RTL9: variants seen among roughly 807,000 people sequenced by gnomAD.
RTL9 encodes the protein retrotransposon Gag like 9, also known as retrotransposon Gag-like protein 9.
A neutral mutation model predicts 44.7 loss-of-function variants in RTL9; 19 were observed. The ratio of observed to expected loss-of-function variants is 0.42; its 90% confidence interval spans 0.30 to 0.62. The LOEUF is 0.62. RTL9 is among the 20% of genes least tolerant of loss of function. The pLI is 0.16. For synonymous variants in RTL9, 407 were observed against 398.9 expected (o/e 1.02, Z -0.24); for missense variants, 1,105 against 1,080.6 (o/e 1.02, Z -0.32).
intron 1 of RTL9, among the ~76,000 whole-genome samples, chrX:110,384,341 G>A (rs762892443): frequency 9.0e-6 from 1 of 110,793 alleles, no homozygotes; most frequent in African/African-American, 3.3e-5. Context: ...GCTCATAATT[G>A]TTGTATGATC....
intron 1 of RTL9, among the ~76,000 whole-genome samples, chrX:110,382,719 C>T (rs1040411382): frequency 2.8e-4 from 31 of 111,687 alleles, no homozygotes; most frequent in African/African-American, 1.0e-3. Flanking sequence ...TTCAATTTGT[C>T]ACTCATTCCT....
intron 1 of RTL9, among the ~76,000 whole-genome samples, chrX:110,397,066 G>A (rs1024687890): frequency 1.9e-4 from 21 of 112,079 alleles, no homozygotes; most frequent in Admixed American, 1.6e-3. Flanking sequence ...TGCCAAAGCA[G>A]ATGACTCCCA....
At position 110,375,085 on chromosome X, in the gene RTL9, C is replaced by T. The variant is rs2068367239; in HGVS notation, c.-168+16169C>T. ...ATAGGTTATATAGCAAGTAGGCAAG[C>T]TTAGCAAACAGCTCAGGGACACTAG... is the stretch of plus-strand genomic sequence containing the variant. On this transcript the variant is annotated intron_variant, in intron 1 of 2. Transcript: ENST00000520821. 2.7e-5 allele frequency among the ~76,000 whole-genome samples: 3 copies of T among 111,591 alleles called. No individual in the cohort carries two copies. In the South Asian group the frequency reaches 1.1e-3, roughly 42 times the overall value.
At chrX:110,396,629 A>G (rs968892492) in intron 1 of RTL9, among the ~76,000 whole-genome samples, 1 of 111,838 alleles carries the variant, frequency 8.9e-6, no homozygotes, top group African/African-American at 3.3e-5. Context: ...CCTTTTAGGT[A>G]AGCAGGGGGC....
chrX:110,386,205 A>C (rs1313598559), intron 1 of RTL9, among the ~76,000 whole-genome samples: 1 of 111,099 alleles, frequency 9.0e-6, no homozygotes, highest in Middle Eastern at 4.3e-3. Context: ...AGGAACCACC[A>C]AACTATTTTC....
chrX:110,441,123 T>C (rs1196568396), intron 1 of RTL9, among the ~76,000 whole-genome samples: 1 of 112,265 alleles, frequency 8.9e-6, no homozygotes, highest in Non-Finnish European at 1.9e-5. Flanking sequence ...TCTGCCTGTC[T>C]TTTGCTGTAT....
intron 1 of RTL9, among the ~76,000 whole-genome samples, chrX:110,443,011 G>C (rs1408682743): frequency 8.9e-6 from 1 of 112,041 alleles, no homozygotes; most frequent in African/African-American, 3.2e-5. Flanking sequence ...GGCAACAGGG[G>C]CAGAAGCTGA....
chrX:110,400,490 C>T (rs1019816422), intron 1 of RTL9, among the ~76,000 whole-genome samples: 3 of 110,332 alleles, frequency 2.7e-5, no homozygotes, highest in African/African-American at 9.9e-5. Context: ...CTCAGTAATA[C>T]CCTACCTCTT....
exon 2 of RTL9, chrX:110,456,274 C>T (rs1420708593): frequency 8.9e-6 from 1 of 112,852 alleles, no homozygotes; most frequent in Admixed American, 9.4e-5. Context: ...AGATTCTCTA[C>T]AGTAAGCATG....
At chrX:110,405,097 C>T (rs186850485) in intron 1 of RTL9, among the ~76,000 whole-genome samples, 29 of 101,239 alleles carry the variant, frequency 2.9e-4, no homozygotes, top group African/African-American at 5.8e-4. Context: ...GTCCCCCCCC[C>T]CCCCAAGCAT....
intron 1 of RTL9, among the ~76,000 whole-genome samples, chrX:110,444,834 C>G (rs992653535): frequency 8.9e-6 from 1 of 112,366 alleles, no homozygotes; most frequent in African/African-American, 3.2e-5. Flanking sequence ...GGATTGACAT[C>G]AAGCTTACAG....
At chrX:110,409,963 T>A (rs753612729) in intron 1 of RTL9, among the ~76,000 whole-genome samples, 5 of 112,200 alleles carry the variant, frequency 4.5e-5, no homozygotes, top group African/African-American at 1.6e-4. Flanking sequence ...GAAATACAGA[T>A]GCAGTGTGGC....
rs149811870 is a variant in RTL9 at position 110,360,878 on chromosome X, C to T, written c.-168+1962C>T. ...AGGAAGAATTGATAGGATTTTGTCA[C>T]GGACTGACTTCTGGAGTTGAAAGGT... On this transcript the variant is annotated intron_variant, in intron 1 of 2. Coordinates refer to the RTL9 transcript ENST00000520821. Among the ~76,000 whole-genome samples, 423 of 111,377 alleles carry T rather than the reference C, an allele frequency of 3.8e-3. 1 individual carries two copies. Among genetic ancestry groups the T allele is most frequent in the African/African-American group, 0.013 (396 of 30,641 alleles).
chrX:110,379,029 T>A (rs1299989549), intron 1 of RTL9, among the ~76,000 whole-genome samples: 4 of 112,059 alleles, frequency 3.6e-5, no homozygotes, highest in African/African-American at 1.3e-4. Flanking sequence ...ACTCTGGCCC[T>A]CTGGTCCCAC....
At chrX:110,432,288 G>C (rs763967252) in intron 1 of RTL9, among the ~76,000 whole-genome samples, 1 of 112,225 alleles carries the variant, frequency 8.9e-6, no homozygotes, top group Non-Finnish European at 1.9e-5. Flanking sequence ...GCAAGACGGG[G>C]AGCCACATGG....
At chrX:110,390,385 T>C (rs953640883) in intron 1 of RTL9, among the ~76,000 whole-genome samples, 1 of 112,480 alleles carries the variant, frequency 8.9e-6, no homozygotes, top group African/African-American at 3.2e-5. Context: ...TATATACATA[T>C]ATTTTAATAA....
chrX:110,451,846 C>T (rs2068943815), exon 1 of RTL9: 1 of 1,208,872 alleles, frequency 8.3e-7, no homozygotes, highest in Admixed American at 2.2e-5. Context: ...GATTCTGGAG[C>T]AATGTCCACA....
intron 1 of RTL9, among the ~76,000 whole-genome samples, chrX:110,394,893 G>A (rs770584370): frequency 2.7e-5 from 3 of 112,975 alleles, no homozygotes; most frequent in African/African-American, 9.6e-5. Flanking sequence ...GGGGAACAGT[G>A]GGGCTGTGTG....
chrX:110,454,482 A>C (rs1432368122), exon 1 of RTL9: 1 of 1,211,923 alleles, frequency 8.3e-7, no homozygotes, highest in South Asian at 1.8e-5. Flanking sequence ...AATGGGTCGG[A>C]TCTTCCTGAA....
Sources: allele counts gnomAD v4.1 joint callset (sites outside exome capture counted in the v4.1 genomes callset), GRCh38; gene constraint gnomAD v4.1.1; transcripts MANE v1.5; gene names NCBI Gene and HGNC (gene_info 2026-07-23, HGNC 2026-07-21).